Variants in ERICH6B observed in about 807,000 individuals in gnomAD.
ERICH6B encodes glutamate-rich protein 6B.
ERICH6B carries 69 observed loss-of-function variants against 80.0 expected under a neutral mutation model. The ratio of observed to expected loss-of-function variants is 0.86; its 90% CI spans 0.71 to 1.05. The LOEUF (loss-of-function observed/expected upper bound fraction) is 1.05, where lower values mean the gene tolerates loss of function less well. Ranked by LOEUF, ERICH6B falls within the 50% of genes least tolerant of loss-of-function variation. The pLI is 0.00. For missense variants in ERICH6B, 754 were observed against 796.1 expected, an observed-to-expected ratio of 0.95 and a Z score of 0.64; for synonymous variants, 283 against 291.9, an observed-to-expected ratio of 0.97 and a Z score of 0.31.
chr13:45,543,389 G>A (rs1873865519), intron 14 of ERICH6B, among the ~76,000 whole-genome samples: 2 of 152,186 alleles, frequency 1.3e-5, no homozygotes, highest in Admixed American at 1.3e-4. Context: ...ATTTGGAAAC[G>A]GGGTCTCTGT....
chr13:45,597,049 C>T lies in ERICH6B; in HGVS notation c.-44G>A, dbSNP rs1008991340. 38 of 1,494,126 alleles carry T rather than the reference C, an allele frequency of 2.5e-5. No homozygotes were observed. The highest frequency in any genetic ancestry group is 2.1e-4 in the Middle Eastern group (1 of 4,868). 92.6% of individuals were successfully genotyped at this position (1,494,126 alleles called of 1,614,324 possible). A position where few individuals can be genotyped will look rare whatever the true frequency, so the allele number is the denominator to read the frequency against. Reference sequence around the variant, plus strand: ...GGTGAACTCCTTCTGCAGCAGCCAACGTCACTTTATTATCCTGTATCCAAG... The same window carrying T: ...GGTGAACTCCTTCTGCAGCAGCCAATGTCACTTTATTATCCTGTATCCAAG... On this transcript the variant is annotated 5_prime_UTR_variant, in exon 3 of 15. Coordinates refer to ENST00000298738, the MANE Select transcript of ERICH6B (RefSeq NM_182542.3).
At position 45,550,488 on chromosome 13, in the gene ERICH6B, G is replaced by C. The variant is rs144081137; in HGVS notation, c.1408-172C>G. Among the ~76,000 whole-genome samples the C allele has an allele frequency of 8.1e-3, 1,238 of 152,278 alleles. 16 individuals are homozygous for C. The highest frequency in any genetic ancestry group is 0.028 in the African/African-American group (1,156 of 41,534). On this transcript the variant is annotated intron_variant, in intron 11 of 14. Coordinates refer to ENST00000298738, the MANE Select transcript of ERICH6B (RefSeq NM_182542.3). ...GTTTACTTGTCTATATGATGAGGAG[G>C]CTGGACTGGATCTGTGTGTGTGTGT...
chr13:45,584,442 C>T (rs1045808175), intron 5 of ERICH6B, among the ~76,000 whole-genome samples: 10 of 152,178 alleles, frequency 6.6e-5, no homozygotes, highest in African/African-American at 2.4e-4. Context: ...ATGTGGAACA[C>T]GATTTTTGAC....
intron 1 of ERICH6B, among the ~76,000 whole-genome samples, chr13:45,614,753 GC>G (rs1475850315): frequency 6.6e-6 from 1 of 152,248 alleles, no homozygotes; most frequent in Admixed American, 6.5e-5. Context: ...TGTTCTTGTT[GC>G]TGTTATCATC....
At chr13:45,597,730 AT>A (rs149088589) in intron 2 of ERICH6B, among the ~76,000 whole-genome samples, 28 of 151,946 alleles carry the variant, frequency 1.8e-4, no homozygotes, top group Non-Finnish European at 3.7e-4. Context: ...TGTCCTCTAT[AT>A]TTTTTTTATT....
intron 7 of ERICH6B, among the ~76,000 whole-genome samples, chr13:45,577,817 T>G (rs1234590272): frequency 6.6e-6 from 1 of 152,176 alleles, no homozygotes; most frequent in East Asian, 1.9e-4. Context: ...AGTCTCAAAC[T>G]CTTGGCCTCA....
intron 11 of ERICH6B, among the ~76,000 whole-genome samples, chr13:45,556,751 T>C (rs1259169598): frequency 1.3e-5 from 2 of 151,986 alleles, no homozygotes; most frequent in Admixed American, 6.5e-5. Flanking sequence ...TATGGCTGAG[T>C]AGTATTCCAT....
intron 14 of ERICH6B, among the ~76,000 whole-genome samples, chr13:45,544,464 C>T (rs1290145153): frequency 6.6e-6 from 1 of 152,180 alleles, no homozygotes; most frequent in Non-Finnish European, 1.5e-5. Flanking sequence ...TCAAGGGATC[C>T]ACCTGTCTTG....
intron 3 of ERICH6B, 124 bp from the exon 4 acceptor site, chr13:45,590,821 T>C (rs1876126982): frequency 2.7e-6 from 2 of 751,228 alleles, no homozygotes; most frequent in East Asian, 5.6e-5. Context: ...TTACTTTTCT[T>C]TAGTATTGTC....
At chr13:45,580,155 A>T (rs763736466) in intron 6 of ERICH6B, among the ~76,000 whole-genome samples, 181 bp from the exon 7 acceptor site, 2 of 152,154 alleles carry the variant, frequency 1.3e-5, no homozygotes, top group Non-Finnish European at 2.9e-5. Context: ...AGGCCCGCAG[A>T]ACATGCTCAC....
At chr13:45,549,568 C>A (rs1874129602) in intron 13 of ERICH6B, among the ~76,000 whole-genome samples, 1 of 152,204 alleles carries the variant, frequency 6.6e-6, no homozygotes, top group African/African-American at 2.4e-5. Flanking sequence ...CTGAGGCACC[C>A]AGAACAGGGA....
intron 8 of ERICH6B, among the ~76,000 whole-genome samples, chr13:45,573,016 C>G (rs566835148): frequency 3.3e-5 from 5 of 152,112 alleles, no homozygotes; most frequent in Non-Finnish European, 7.3e-5. Flanking sequence ...GTACAACTTA[C>G]TGGTAGGGAA....
At chr13:45,568,607 C>G (rs1384923853) in intron 8 of ERICH6B, among the ~76,000 whole-genome samples, 156 bp from the exon 9 acceptor site, 1 of 152,092 alleles carries the variant, frequency 6.6e-6, no homozygotes, top group Non-Finnish European at 1.5e-5. Flanking sequence ...GGGAGAGCAA[C>G]AGAAAGGATA....
Position 45,544,898 on chromosome 13 carries a change from G to A in ERICH6B, c.1734C>T (p.Val578=). 1 of 1,551,738 alleles carries A rather than the reference G, an allele frequency of 6.4e-7. No homozygotes were observed. The highest frequency in any genetic ancestry group is 2.4e-5 in the East Asian group (1 of 40,914). ...AWNWWNLNIH[V]HAPPVQPISL... is the part of the protein sequence containing the mutation. ...AGATGGGCTGGACAGGGGGTGCGTG[G>A]ACATGGATGTTCAGATTCCACCAGT... The change falls in exon 14 of 15, where the codon GTC becomes GTT. Residue 578 remains valine (V), a synonymous_variant. Transcript: ENST00000298738.
intron 7 of ERICH6B, among the ~76,000 whole-genome samples, chr13:45,577,968 C>T (rs1875492225): frequency 6.6e-6 from 1 of 152,202 alleles, no homozygotes; most frequent in Non-Finnish European, 1.5e-5. Context: ...CCCTGAGGGG[C>T]AAATATTATA....
chr13:45,561,470 GTGTTGGTTTGCTCATTAAA>G lies in ERICH6B; in HGVS notation c.1287_1305del (p.Met431ArgfsTer21), dbSNP rs1381840895. ...ATTTCTTCTGTCTCAGGCTTCTCAG[GTGTTGGTTTGCTCATTAAA>G]TGAAATGTGAAACTGGTCATCTCTG... On this transcript the variant is annotated frameshift_variant, in exon 11 of 15. Transcript: ENST00000298738. LOFTEE classifies it high-confidence loss of function. 6.4e-7 allele frequency: 1 copy of G among 1,551,950 alleles called. No homozygotes were observed. The highest frequency in any genetic ancestry group is 8.7e-7 in the Non-Finnish European group (1 of 1,147,094).
At chr13:45,613,829 CTT>C (rs1432394135) in intron 1 of ERICH6B, among the ~76,000 whole-genome samples, 1 of 152,138 alleles carries the variant, frequency 6.6e-6, no homozygotes, top group Non-Finnish European at 1.5e-5. Context: ...TATACAAAGA[CTT>C]TTTTAGTTAT....
At chr13:45,549,434 TCCA>T (rs993366443) in intron 13 of ERICH6B, among the ~76,000 whole-genome samples, 1 of 152,180 alleles carries the variant, frequency 6.6e-6, no homozygotes, top group Non-Finnish European at 1.5e-5. Flanking sequence ...AAGATGGTTT[TCCA>T]CCATTACCAG....
chr13:45,542,569 GC>G (rs1197072877), intron 14 of ERICH6B, among the ~76,000 whole-genome samples: 1 of 152,160 alleles, frequency 6.6e-6, no homozygotes, highest in Non-Finnish European at 1.5e-5. Context: ...TGGTCTCTCT[GC>G]CCACAGCAGC....
Sources: gnomAD v4.1 joint callset for allele counts (sites outside exome capture counted in the v4.1 genomes callset) on GRCh38, gnomAD v4.1.1 for gene constraint, MANE v1.5 for transcripts, NCBI Gene and HGNC (gene_info 2026-07-23, HGNC 2026-07-21) for gene names.